The following PPFIA2 variants were observed in gnomAD, a reference collection of about 807,000 sequenced individuals.
PPFIA2 encodes the protein PPFI scaffold protein A2.
In PPFIA2, 46 loss-of-function variants were observed where a neutral mutation model predicts 175.5. The observed-to-expected ratio is 0.26, with a 90% CI of 0.21 to 0.34. The LOEUF (loss-of-function observed/expected upper bound fraction) is 0.34, where lower values mean the gene tolerates loss of function less well. PPFIA2 is among the 10% of genes least tolerant of loss of function. PPFIA2 has a pLI of 1.00. For synonymous variants in PPFIA2, 568 were observed against 511.4 expected (o/e 1.11, Z -1.49); for missense variants, 1,179 against 1,506.1 (o/e 0.78, Z 3.60).
chr12:81,597,004 A>G (rs2059318332), intron 4 of PPFIA2, among the ~76,000 whole-genome samples: 1 of 152,138 alleles, frequency 6.6e-6, no homozygotes, highest in South Asian at 2.1e-4. Flanking sequence ...ATCCCTTCAA[A>G]AAATTCTGAC....
chr12:81,648,002 G>GA lies in PPFIA2; in HGVS notation c.303+28788dup, dbSNP rs889230756. Among the ~76,000 whole-genome samples, 131 of 139,182 alleles carry GA rather than the reference G, an allele frequency of 9.4e-4. 1 individual carries two copies. Among genetic ancestry groups the GA allele is most frequent in the East Asian group, 4.7e-3 (23 of 4,866 alleles). 91.3% of individuals were successfully genotyped at this position (139,182 alleles called of 152,430 possible). Reference sequence around the variant, plus strand: ...CAAGGGAGCAACACTTAACCAAAAGGAAAAAAAAAACTCAATCTAGAACTC... The same window carrying GA: ...CAAGGGAGCAACACTTAACCAAAAGGAAAAAAAAAAACTCAATCTAGAACTC... On this transcript the variant is annotated intron_variant, in intron 4 of 32. Transcript: ENST00000549396.
chr12:81,709,492 TACAC>T (rs148074685), intron 3 of PPFIA2, among the ~76,000 whole-genome samples: 2 of 151,196 alleles, frequency 1.3e-5, no homozygotes, highest in African/African-American at 4.8e-5. Context: ...AAATGGTTGG[TACAC>T]ACACACACAC....
At chr12:81,553,363 C>G (rs776829513) in intron 4 of PPFIA2, among the ~76,000 whole-genome samples, 1 of 151,908 alleles carries the variant, frequency 6.6e-6, no homozygotes, top group African/African-American at 2.4e-5. Flanking sequence ...AAGATGGATA[C>G]CAGAAAATAT....
At chr12:81,458,572 T>A (rs1006118723) in intron 4 of PPFIA2, among the ~76,000 whole-genome samples, 1 of 152,112 alleles carries the variant, frequency 6.6e-6, no homozygotes, top group African/African-American at 2.4e-5. Context: ...TACAAAAAAA[T>A]TGGGGATTCT....
At chr12:81,419,352 T>C (rs546558043) in intron 7 of PPFIA2, among the ~76,000 whole-genome samples, 1 of 152,220 alleles carries the variant, frequency 6.6e-6, no homozygotes, top group East Asian at 1.9e-4. Flanking sequence ...TCAGTTAAAA[T>C]ATATAAAGTA....
intron 8 of PPFIA2, among the ~76,000 whole-genome samples, chr12:81,391,844 T>G (rs1522310): frequency 6.6e-6 from 1 of 151,526 alleles, no homozygotes; most frequent in African/African-American, 2.4e-5. Flanking sequence ...AAAGACAAAG[T>G]GACACAAGTG....
chr12:81,468,956 C>A (rs1032788554), intron 4 of PPFIA2, among the ~76,000 whole-genome samples: 2 of 151,996 alleles, frequency 1.3e-5, no homozygotes, highest in African/African-American at 4.8e-5. Flanking sequence ...AGAGAGAAAT[C>A]TGGAAAGACT....
intron 4 of PPFIA2, among the ~76,000 whole-genome samples, chr12:81,587,320 C>G (rs1244171994): frequency 6.6e-6 from 1 of 151,858 alleles, no homozygotes; most frequent in Non-Finnish European, 1.5e-5. Context: ...TTTATAAATG[C>G]TTGACAGTTC....
At chr12:81,423,180 AC>A (rs1458030752) in intron 7 of PPFIA2, among the ~76,000 whole-genome samples, 1 of 152,166 alleles carries the variant, frequency 6.6e-6, no homozygotes, top group Non-Finnish European at 1.5e-5. Flanking sequence ...GATGAATTCT[AC>A]CAAACACTGA....
intron 3 of PPFIA2, among the ~76,000 whole-genome samples, chr12:81,751,534 TACACACAC>T (rs10591884): frequency 1.1e-4 from 16 of 144,288 alleles, no homozygotes; most frequent in African/African-American, 3.3e-4. Context: ...TATAATATGC[TACACACAC>T]ACACACACAC....
At chr12:81,493,855 T>A (rs1297801644) in intron 4 of PPFIA2, among the ~76,000 whole-genome samples, 1 of 149,314 alleles carries the variant, frequency 6.7e-6, no homozygotes, top group Non-Finnish European at 1.5e-5. Flanking sequence ...GGAGATATGA[T>A]GTTCAGAGAT....
At chr12:81,365,706 T>C (rs1470875388) in intron 14 of PPFIA2, among the ~76,000 whole-genome samples, 1 of 151,784 alleles carries the variant, frequency 6.6e-6, no homozygotes, top group Non-Finnish European at 1.5e-5. Flanking sequence ...AGATCATATA[T>C]GTCTTTAAGA....
At chr12:81,590,686 G>A (rs1234628171) in intron 4 of PPFIA2, among the ~76,000 whole-genome samples, 1 of 151,974 alleles carries the variant, frequency 6.6e-6, no homozygotes, top group Admixed American at 6.6e-5. Context: ...AGATCTGATG[G>A]TTTTAAAAAT....
chr12:81,308,094 A>G (rs1209799424), intron 22 of PPFIA2, among the ~76,000 whole-genome samples: 1 of 152,206 alleles, frequency 6.6e-6, no homozygotes, highest in Non-Finnish European at 1.5e-5. Context: ...AATGTAATCT[A>G]AATATAATTA....
At chr12:81,643,821 G>T (rs2065685329) in intron 4 of PPFIA2, among the ~76,000 whole-genome samples, 1 of 152,028 alleles carries the variant, frequency 6.6e-6, no homozygotes, top group Admixed American at 6.5e-5. Context: ...AAGTAGTAAG[G>T]TAATTTGGCA....
At chr12:81,374,601 T>G (rs746205467) in intron 11 of PPFIA2, 33 bp downstream of exon 11, 65 of 1,569,426 alleles carry the variant, frequency 4.1e-5, no homozygotes, top group Middle Eastern at 1.7e-4. Context: ...TCTACAAATA[T>G]ATCTAGGTTG....
At chr12:81,510,576 A>G (rs756337427) in intron 4 of PPFIA2, among the ~76,000 whole-genome samples, 6 of 152,152 alleles carry the variant, frequency 3.9e-5, no homozygotes, top group Non-Finnish European at 8.8e-5. Context: ...CTATGATTGT[A>G]CCAATTTTAG....
At chr12:81,700,017 T>C (rs536837489) in intron 3 of PPFIA2, among the ~76,000 whole-genome samples, 1 of 152,170 alleles carries the variant, frequency 6.6e-6, no homozygotes, top group South Asian at 2.1e-4. Context: ...GAAACTTGTC[T>C]TCATCTTTCA....
At chr12:81,325,725 T>G in intron 22 of PPFIA2, 52 bp downstream of exon 22, 1 of 1,260,928 alleles carries the variant, frequency 7.9e-7, no homozygotes. Context: ...CTATAAATAA[T>G]AATAAGGAAT....
Sources: gnomAD v4.1 joint callset for allele counts (sites outside exome capture counted in the v4.1 genomes callset) on GRCh38, gnomAD v4.1.1 for gene constraint, MANE v1.5 for transcripts, NCBI Gene and HGNC (gene_info 2026-07-23, HGNC 2026-07-21) for gene names.